ZNF345: variants seen among roughly 807,000 people sequenced by gnomAD.
ZNF345 encodes zinc finger protein HZF10.
For synonymous variants in ZNF345, 166 were observed against 187.9 expected (o/e 0.88, Z 0.95); for missense variants, 527 against 589.9 (o/e 0.89, Z 1.10).
intron 2 of ZNF345, among the ~76,000 whole-genome samples, chr19:36,863,571 CTG>C (rs1264648059): frequency 3.9e-5 from 6 of 152,194 alleles, no homozygotes; most frequent in African/African-American, 1.4e-4. Context: ...TGTGGCAAGA[CTG>C]TGAATTCAAC....
chr19:36,875,239 G>GA (rs1421128949), intron 2 of ZNF345, among the ~76,000 whole-genome samples: 8 of 151,994 alleles, frequency 5.3e-5, no homozygotes, highest in Non-Finnish European at 1.0e-4. Context: ...AAGAAAAGAG[G>GA]AAAAAAGAGC....
exon 4 of ZNF345, chr19:36,892,823 C>T (rs1169584427): frequency 7.0e-6 from 6 of 857,228 alleles, no homozygotes; most frequent in Admixed American, 4.1e-5. Context: ...CCCAGATCCC[C>T]CACAGGCGCT....
rs1210606887 is a variant in ZNF345 at position 36,869,563 on chromosome 19, G to A, written c.-46-7222G>A. Among the ~76,000 whole-genome samples, 5 of 152,268 alleles carry A rather than the reference G, an allele frequency of 3.3e-5. No individual in the cohort carries two copies. In the East Asian group the frequency reaches 7.7e-4, roughly 24 times the overall value. On this transcript the variant is annotated intron_variant, in intron 2 of 2. Coordinates refer to ENST00000420450, the MANE Select transcript of ZNF345 (RefSeq NM_001242472.2). ...TATTTTTGATGACTGCCCCAATTCT[G>A]AAGCTACTCGGGTCCACCATGAGTT...
At chr19:36,881,263 A>G (rs1271982128), downstream of ZNF345, among the ~76,000 whole-genome samples, 1 of 152,238 alleles carries the variant, frequency 6.6e-6, no homozygotes, top group Admixed American at 6.5e-5. Flanking sequence ...TGGATTAAGT[A>G]TGCTCACCTG....
intron 3 of ZNF345, chr19:36,888,959 A>G (rs1395594789): frequency 6.6e-6 from 1 of 152,174 alleles, no homozygotes; most frequent in Non-Finnish European, 1.5e-5. Context: ...TTTAGTAGAG[A>G]CAGGGTTTCG....
downstream of ZNF345, among the ~76,000 whole-genome samples, chr19:36,880,538 C>T (rs2072961836): frequency 6.6e-6 from 1 of 152,090 alleles, no homozygotes; most frequent in South Asian, 2.1e-4. Flanking sequence ...CCTGAAATCT[C>T]AGCACTTTGG....
At chr19:36,871,228 A>G (rs1284641930) in intron 2 of ZNF345, among the ~76,000 whole-genome samples, 1 of 152,156 alleles carries the variant, frequency 6.6e-6, no homozygotes, top group Non-Finnish European at 1.5e-5. Context: ...AATTACATTC[A>G]TGAGGGCTCT....
Position 36,870,794 on chromosome 19 carries a change from A to C in ZNF345, c.-46-5991A>C, listed in dbSNP as rs1268032552. Among the ~76,000 whole-genome samples the C allele has an allele frequency of 1.1e-4, 16 of 152,246 alleles. No homozygotes were observed. The East Asian group carries it at 2.7e-3, about 26-fold the overall frequency. On this transcript the variant is annotated intron_variant, in intron 2 of 2. Transcript: ENST00000420450. ...GTGTCCTAGAACCTAATAAAAATAT[A>C]TGTAAATGTAAATCATCTTTTTTTT...
upstream of ZNF345, chr19:36,850,438 C>T (rs997306345): frequency 6.6e-6 from 1 of 152,290 alleles, no homozygotes; most frequent in African/African-American, 2.4e-5. Context: ...TAGTCAACTT[C>T]CAATACAACA....
chr19:36,855,800 C>T (rs1257051903), intron 2 of ZNF345, among the ~76,000 whole-genome samples: 9 of 152,166 alleles, frequency 5.9e-5, no homozygotes, highest in Non-Finnish European at 1.2e-4. Context: ...ATCACCTCCA[C>T]TGTGCTGTGT....
intron 2 of ZNF345, 123 bp from the exon 3 acceptor site, chr19:36,876,662 C>G (rs936623228): frequency 1.8e-6 from 1 of 556,706 alleles, no homozygotes; most frequent in Non-Finnish European, 2.9e-6. Flanking sequence ...TATGTGAGAA[C>G]TGTATAAACC....
intron 2 of ZNF345, 117 bp from the exon 3 acceptor site, chr19:36,876,668 A>G: frequency 1.5e-6 from 1 of 676,404 alleles, no homozygotes; most frequent in East Asian, 3.0e-5. Context: ...AGAACTGTAT[A>G]AACCACTCAA....
At chr19:36,869,678 T>C (rs1210538276) in intron 2 of ZNF345, among the ~76,000 whole-genome samples, 1 of 152,130 alleles carries the variant, frequency 6.6e-6, no homozygotes, top group Non-Finnish European at 1.5e-5. Flanking sequence ...TGACAAATTA[T>C]TACACAGGGC....
At chr19:36,854,674 C>A (rs955678835) in intron 2 of ZNF345, 8 of 152,052 alleles carry the variant, frequency 5.3e-5, no homozygotes, top group Non-Finnish European at 1.2e-4. Context: ...TTAACATTTT[C>A]TTTTATTCTT....
intron 2 of ZNF345, among the ~76,000 whole-genome samples, chr19:36,859,499 T>G (rs2072499283): frequency 6.6e-6 from 1 of 151,936 alleles, no homozygotes; most frequent in Admixed American, 6.6e-5. Flanking sequence ...TTGTTTTTTT[T>G]TTTAATTTTG....
At chr19:36,868,799 T>G (rs1410074199) in intron 2 of ZNF345, among the ~76,000 whole-genome samples, 1 of 151,926 alleles carries the variant, frequency 6.6e-6, no homozygotes, top group Non-Finnish European at 1.5e-5. Flanking sequence ...CTAATTTTTT[T>G]ACTTTTAGTA....
chr19:36,864,835 G>C (rs1188497952), intron 2 of ZNF345, among the ~76,000 whole-genome samples: 1 of 152,170 alleles, frequency 6.6e-6, no homozygotes, highest in Non-Finnish European at 1.5e-5. Flanking sequence ...GCATCTGAGA[G>C]TGAAAGCCTC....
intron 2 of ZNF345, among the ~76,000 whole-genome samples, chr19:36,871,555 TA>T (rs1338748636): frequency 6.6e-6 from 1 of 152,180 alleles, no homozygotes; most frequent in African/African-American, 2.4e-5. Context: ...ATAGACTTAA[TA>T]ATATTCTTAA....
intron 2 of ZNF345, among the ~76,000 whole-genome samples, chr19:36,874,084 G>A (rs1483654895): frequency 6.6e-6 from 1 of 152,184 alleles, no homozygotes; most frequent in Admixed American, 6.5e-5. Context: ...CTGGGGTTCT[G>A]CAGCATAAAC....
Sources: gnomAD v4.1 joint callset for allele counts (sites outside exome capture counted in the v4.1 genomes callset) on GRCh38, gnomAD v4.1.1 for gene constraint, MANE v1.5 for transcripts, NCBI Gene and HGNC (gene_info 2026-07-23, HGNC 2026-07-21) for gene names.